Variants in SPTLC1 observed in about 807,000 individuals in gnomAD.
The protein encoded by SPTLC1 is serine palmitoyltransferase long chain base subunit 1, also known as serine palmitoyltransferase 1.
Under a neutral mutation model 68.9 loss-of-function variants are expected in SPTLC1, and 55 were observed. The ratio of observed to expected loss-of-function variants is 0.80; its 90% CI spans 0.64 to 1.00. The LOEUF is 1.00. Ranked by LOEUF, SPTLC1 falls within the 50% of genes least tolerant of loss-of-function variation. The pLI is 0.00. For synonymous variants in SPTLC1, 197 were observed against 201.6 expected, an observed-to-expected ratio of 0.98 and a Z score of 0.19; for missense variants, 449 against 573.1, an observed-to-expected ratio of 0.78 and a Z score of 2.21.
intron 5 of SPTLC1, among the ~76,000 whole-genome samples, chr9:92,074,067 T>A: frequency 6.6e-6 from 1 of 151,446 alleles, no homozygotes; most frequent in Non-Finnish European, 1.5e-5. Flanking sequence ...CCAGATCTCC[T>A]CGGCTTGGCG....
intron 13 of SPTLC1, among the ~76,000 whole-genome samples, chr9:92,035,663 T>C (rs1182638755): frequency 6.6e-6 from 1 of 152,102 alleles, no homozygotes; most frequent in African/African-American, 2.4e-5. Context: ...GTATGTGGTA[T>C]GTGAGTTATA....
chr9:92,044,552 G>A (rs1833447823), intron 12 of SPTLC1, among the ~76,000 whole-genome samples: 1 of 152,200 alleles, frequency 6.6e-6, no homozygotes, highest in African/African-American at 2.4e-5. Flanking sequence ...GCTACTGAGA[G>A]GAGCAAAGAC....
At chr9:92,075,986 T>A (rs997532194) in intron 5 of SPTLC1, among the ~76,000 whole-genome samples, 5 of 152,192 alleles carry the variant, frequency 3.3e-5, no homozygotes, top group African/African-American at 7.2e-5. Context: ...AAAAACCAGT[T>A]GATTAACACC....
intron 5 of SPTLC1, among the ~76,000 whole-genome samples, chr9:92,075,506 C>A (rs1030360286): frequency 2.6e-5 from 4 of 152,204 alleles, no homozygotes; most frequent in African/African-American, 9.7e-5. Context: ...CCTCTCCACA[C>A]AGCAAAAACG....
rs1834328967 is a variant in SPTLC1, at chr9:92,067,367, C to G, written c.560+599G>C. Among the ~76,000 whole-genome samples the G allele has an allele frequency of 2.0e-5, 3 of 152,032 alleles. 1 individual carries two copies. Among genetic ancestry groups the G allele is most frequent in the Admixed American group, 2.0e-4 (3 of 15,266 alleles). On this transcript the variant is annotated intron_variant, in intron 6 of 14. Transcript: ENST00000262554. ...ATTTGAGACCAAATTTTAGTCCACT[C>G]ATAGGACGACAGGGCTTGGCTTGGG...
intron 3 of SPTLC1, chr9:92,105,413 A>G: frequency 1.4e-6 from 2 of 1,477,956 alleles, no homozygotes; most frequent in African/African-American, 1.4e-5. Flanking sequence ...GAGGAGAAAG[A>G]AGAGACAGCA....
intron 10 of SPTLC1, 134 bp downstream of exon 10, chr9:92,047,479 T>A (rs1833557977): frequency 1.3e-6 from 1 of 754,872 alleles, no homozygotes; most frequent in South Asian, 1.6e-5. Flanking sequence ...TTTTGAGTGA[T>A]TCTTTAAAAA....
At chr9:92,047,305 T>G in intron 10 of SPTLC1, 37 bp from the exon 11 acceptor site, 1 of 1,554,350 alleles carries the variant, frequency 6.4e-7, no homozygotes, top group South Asian at 1.1e-5. Flanking sequence ...ACACATTCTC[T>G]GTCCTTTCTA....
intron 6 of SPTLC1, among the ~76,000 whole-genome samples, chr9:92,067,515 A>T (rs960071660): frequency 6.6e-6 from 1 of 152,224 alleles, no homozygotes; most frequent in Non-Finnish European, 1.5e-5. Flanking sequence ...GCGAGTGTGA[A>T]GATCCACTTG....
intron 7 of SPTLC1, among the ~76,000 whole-genome samples, chr9:92,057,742 T>C (rs1050375772): frequency 2.0e-5 from 3 of 152,204 alleles, no homozygotes; most frequent in Middle Eastern, 6.8e-3. Flanking sequence ...ACCAGATTAT[T>C]TATGTGAAAA....
intron 5 of SPTLC1, among the ~76,000 whole-genome samples, chr9:92,078,105 A>G (rs146630891): frequency 0.01 from 1,536 of 152,134 alleles, 26 homozygotes; most frequent in African/African-American, 0.036. Flanking sequence ...ACCTCTTTCA[A>G]TGATCCCCAC....
chr9:92,055,971 C>T (rs1418653358), intron 7 of SPTLC1, among the ~76,000 whole-genome samples: 2 of 152,188 alleles, frequency 1.3e-5, no homozygotes, highest in African/African-American at 4.8e-5. Context: ...GGGTGAGGAA[C>T]AGATGGCACA....
intron 12 of SPTLC1, among the ~76,000 whole-genome samples, chr9:92,041,179 A>G (rs1833337918): frequency 1.3e-5 from 2 of 152,228 alleles, no homozygotes; most frequent in Admixed American, 1.3e-4. Flanking sequence ...CCAGCATAGG[A>G]TGTTGACTTC....
intron 12 of SPTLC1, among the ~76,000 whole-genome samples, chr9:92,040,545 G>T (rs941082415): frequency 6.6e-6 from 1 of 151,992 alleles, no homozygotes; most frequent in Non-Finnish European, 1.5e-5. Flanking sequence ...GGATCACGAG[G>T]TCAGGAGTTC....
At chr9:92,085,570 C>T (rs866744717) in intron 3 of SPTLC1, among the ~76,000 whole-genome samples, 12,404 of 148,952 alleles carry the variant, frequency 0.083, 791 homozygotes, top group African/African-American at 0.22. Flanking sequence ...GTTTCTTAAT[C>T]CTGAGTTCTA....
intron 3 of SPTLC1, chr9:92,104,326 C>T (rs1835873133): frequency 2.9e-6 from 4 of 1,395,850 alleles, no homozygotes; most frequent in South Asian, 3.3e-5. Context: ...GGCTCCTGCA[C>T]CTGTGCCTGC....
At chr9:92,052,401 T>A (rs1324792075) in intron 8 of SPTLC1, among the ~76,000 whole-genome samples, 2 of 152,180 alleles carry the variant, frequency 1.3e-5, no homozygotes, top group Non-Finnish European at 2.9e-5. Flanking sequence ...TTGGACCTCT[T>A]CATCAACGCA....
At chr9:92,033,949 G>GCT (rs1833056292) in intron 14 of SPTLC1, among the ~76,000 whole-genome samples, 1 of 152,182 alleles carries the variant, frequency 6.6e-6, no homozygotes, top group Non-Finnish European at 1.5e-5. Context: ...TCCCCAGTGG[G>GCT]CTCTCCTGCA....
At chr9:92,115,166 G>A (rs922715470) in intron 1 of SPTLC1, 148 bp downstream of exon 1, 4 of 600,386 alleles carry the variant, frequency 6.7e-6, no homozygotes, top group Non-Finnish European at 1.2e-5. Context: ...GGGACTAGAA[G>A]CTCCCGGCAG....
Sources: allele counts gnomAD v4.1 joint callset (sites outside exome capture counted in the v4.1 genomes callset), GRCh38; gene constraint gnomAD v4.1.1; transcripts MANE v1.5; gene names NCBI Gene and HGNC (gene_info 2026-07-23, HGNC 2026-07-21).